The following HPSE2 variants were observed in gnomAD, a reference collection of about 807,000 sequenced individuals.
The protein encoded by HPSE2 is inactive heparanase-2.
Under a neutral mutation model 60.5 loss-of-function variants are expected in HPSE2, and 38 were observed. The ratio of observed to expected loss-of-function variants is 0.63; its 90% CI spans 0.48 to 0.82. HPSE2 has a LOEUF of 0.82. Among genes scored for constraint, HPSE2 ranks in the 40% least tolerant of loss-of-function variants. HPSE2 has a pLI of 0.00. For missense variants in HPSE2, 713 were observed against 740.4 expected (o/e 0.96, Z 0.43); for synonymous variants, 295 against 293.2 (o/e 1.01, Z -0.06).
intron 2 of HPSE2, among the ~76,000 whole-genome samples, chr10:99,184,859 G>GAC (rs1847942666): frequency 1.7e-5 from 2 of 114,518 alleles, no homozygotes; most frequent in Non-Finnish European, 3.8e-5. Flanking sequence ...GAGAGAGAGA[G>GAC]AGAGACAGAA....
In HPSE2 at chr10:98,620,493, C is replaced by G. The variant is rs7911541; in HGVS notation, c.1205+109G>C. 3 of 778,654 alleles carry G rather than the reference C, an allele frequency of 3.9e-6. No homozygotes were observed. In the East Asian group the frequency reaches 7.9e-5, roughly 21 times the overall value. 48.2% of individuals were successfully genotyped at this position (778,654 alleles called of 1,614,324 possible). A position where few individuals can be genotyped will look rare whatever the true frequency, so the allele number is the denominator to read the frequency against. On this transcript the variant is annotated intron_variant, in intron 8 of 11. Coordinates refer to ENST00000370552, the MANE Select transcript of HPSE2 (RefSeq NM_021828.5). ...ATGAATGAATGAAATGAACTTTCAACGGGAAACATGCCTCACCCCTAGGAT... is the reference window on the plus strand; with the variant it reads ...ATGAATGAATGAAATGAACTTTCAAGGGGAAACATGCCTCACCCCTAGGAT...
At chr10:98,949,924 T>A (rs1360506667) in intron 3 of HPSE2, among the ~76,000 whole-genome samples, 1 of 152,158 alleles carries the variant, frequency 6.6e-6, no homozygotes, top group Non-Finnish European at 1.5e-5. Context: ...TGAACAAAAA[T>A]GATAACAGCA....
chr10:98,541,460 G>A (rs1251903598), intron 9 of HPSE2, among the ~76,000 whole-genome samples: 2 of 152,202 alleles, frequency 1.3e-5, no homozygotes, highest in Non-Finnish European at 2.9e-5. Context: ...GTGCCAGACA[G>A]TGGGCACAGG....
chr10:98,467,142 A>G (rs1040718808), intron 11 of HPSE2, among the ~76,000 whole-genome samples: 2 of 151,988 alleles, frequency 1.3e-5, no homozygotes, highest in Non-Finnish European at 2.9e-5. Context: ...TTGTCCTTCA[A>G]GTCAGGGGTG....
intron 4 of HPSE2, among the ~76,000 whole-genome samples, chr10:98,727,101 T>C (rs937339698): frequency 1.3e-5 from 2 of 151,976 alleles, no homozygotes; most frequent in African/African-American, 2.4e-5. Flanking sequence ...ATAAAAAAAC[T>C]TAAGAGATAT....
rs186794419 is a variant in HPSE2, at chr10:99,184,883, G to T, written c.449-40484C>A. Among the ~76,000 whole-genome samples, 13 of 134,726 alleles carry T rather than the reference G, an allele frequency of 9.6e-5. No homozygotes were observed. The Admixed American group carries it at 9.9e-4, about 10-fold the overall frequency. The allele number at this position is 134,726 out of a possible 152,430, so 88.4% of individuals were successfully genotyped here. On this transcript the variant is annotated intron_variant, in intron 2 of 11. Transcript: ENST00000370552. ...AGAGAGACAGAAACACTGAAAAAAT[G>T]ATGTAACAGAGGATCACTGAGCTAA...
intron 2 of HPSE2, among the ~76,000 whole-genome samples, chr10:99,231,064 C>T (rs1354155783): frequency 6.6e-6 from 1 of 152,180 alleles, no homozygotes; most frequent in African/African-American, 2.4e-5. Flanking sequence ...CACCTACATG[C>T]TTTGGCAAAT....
chr10:99,281,695 T>C, the HPSE2 span, among the ~76,000 whole-genome samples: 7 of 152,228 alleles, frequency 4.6e-5, no homozygotes, highest in Non-Finnish European at 1.0e-4. Context: ...GTGACTCTAC[T>C]GGATTACTTT....
chr10:98,984,753 G>T lies in HPSE2; in HGVS notation c.610+159485C>A, dbSNP rs890090304. ...AAGTTAGAACCTTGAAAAAAGATTA[G>T]AGGAATGGCTAACTAGAATAATCAA... On this transcript the variant is annotated intron_variant, in intron 3 of 11. Transcript: ENST00000370552. 2.0e-5 allele frequency among the ~76,000 whole-genome samples: 3 copies of T among 152,178 alleles called. No individual in the cohort carries two copies. In the South Asian group the frequency reaches 6.2e-4, roughly 32 times the overall value.
At chr10:99,260,636 G>A in the HPSE2 span, among the ~76,000 whole-genome samples, 9 of 152,112 alleles carry the variant, frequency 5.9e-5, no homozygotes, top group African/African-American at 9.7e-5. Context: ...GCGCAGTCCC[G>A]GACTCGGGAA....
At chr10:98,502,980 G>A (rs1942075438) in intron 9 of HPSE2, among the ~76,000 whole-genome samples, 1 of 152,176 alleles carries the variant, frequency 6.6e-6, no homozygotes, top group Non-Finnish European at 1.5e-5. Context: ...GGGAGGCCGA[G>A]GCGGGTGGAT....
At chr10:98,623,541 A>T (rs900321686) in intron 7 of HPSE2, among the ~76,000 whole-genome samples, 4 of 152,184 alleles carry the variant, frequency 2.6e-5, no homozygotes, top group Non-Finnish European at 5.9e-5. Context: ...ACACATTAAC[A>T]AAAGGAGAGG....
At chr10:99,014,415 T>C (rs1002934981) in intron 3 of HPSE2, among the ~76,000 whole-genome samples, 3 of 152,202 alleles carry the variant, frequency 2.0e-5, no homozygotes, top group Non-Finnish European at 4.4e-5. Context: ...GCAATGAACA[T>C]GTGCATGCAT....
At chr10:99,044,150 G>A (rs528883462) in intron 3 of HPSE2, among the ~76,000 whole-genome samples, 52 of 152,296 alleles carry the variant, frequency 3.4e-4, no homozygotes, top group Middle Eastern at 3.4e-3. Context: ...AGGCTAACAG[G>A]AGACTTCTCA....
At chr10:99,207,503 A>T (rs1245422281) in intron 2 of HPSE2, among the ~76,000 whole-genome samples, 2 of 152,342 alleles carry the variant, frequency 1.3e-5, no homozygotes, top group East Asian at 1.9e-4. Context: ...TACTGTAATG[A>T]TAGTATGTGA....
chr10:99,122,865 G>A (rs1253542778), intron 3 of HPSE2, among the ~76,000 whole-genome samples: 3 of 152,024 alleles, frequency 2.0e-5, no homozygotes, highest in Non-Finnish European at 4.4e-5. Flanking sequence ...AGAAAAATGA[G>A]AGAGTAGTTA....
intron 3 of HPSE2, among the ~76,000 whole-genome samples, chr10:99,096,712 T>C: frequency 6.6e-6 from 1 of 152,056 alleles, no homozygotes; most frequent in Non-Finnish European, 1.5e-5. Context: ...TTTTTTCCTA[T>C]TTTCCCACAG....
intron 3 of HPSE2, among the ~76,000 whole-genome samples, chr10:99,032,274 G>A (rs1295250281): frequency 6.6e-6 from 1 of 152,052 alleles, no homozygotes; most frequent in Non-Finnish European, 1.5e-5. Flanking sequence ...AGATCATGAT[G>A]TCCCCTCTGT....
chr10:98,979,130 T>C (rs1956151815), intron 3 of HPSE2, among the ~76,000 whole-genome samples: 1 of 152,200 alleles, frequency 6.6e-6, no homozygotes, highest in African/African-American at 2.4e-5. Flanking sequence ...AAGGCTGTGA[T>C]AGGCCTGATG....
Sources: gnomAD v4.1 joint callset for allele counts (sites outside exome capture counted in the v4.1 genomes callset) on GRCh38, gnomAD v4.1.1 for gene constraint, MANE v1.5 for transcripts, NCBI Gene and HGNC (gene_info 2026-07-23, HGNC 2026-07-21) for gene names.